The following BMPR1A variants were observed in gnomAD, a reference collection of about 807,000 sequenced individuals.
BMPR1A encodes bone morphogenetic protein receptor type-1A.
Under a neutral mutation model 66.0 loss-of-function variants are expected in BMPR1A, and 7 were observed. The ratio of observed to expected loss-of-function variants is 0.11; its 90% CI spans 0.06 to 0.20. The LOEUF (loss-of-function observed/expected upper bound fraction) is 0.20. Ranked by LOEUF, BMPR1A falls within the 10% of genes least tolerant of loss-of-function variation. BMPR1A has a pLI of 1.00. For missense variants in BMPR1A, 408 were observed against 669.1 expected (o/e 0.61, Z 4.31); for synonymous variants, 200 against 229.7 (o/e 0.87, Z 1.17).
At chr10:86,799,773 A>C (rs1841785391) in intron 1 of BMPR1A, among the ~76,000 whole-genome samples, 1 of 152,104 alleles carries the variant, frequency 6.6e-6, no homozygotes. Flanking sequence ...CCTGGGCTCA[A>C]GCGATCCACC....
intron 1 of BMPR1A, among the ~76,000 whole-genome samples, chr10:86,820,627 C>T (rs1350644517): frequency 6.6e-6 from 1 of 152,174 alleles, no homozygotes; most frequent in Non-Finnish European, 1.5e-5. Context: ...AACAAACCAG[C>T]AAAACCTTCC....
chr10:86,792,208 C>T lies in BMPR1A; in HGVS notation c.-268+35289C>T, dbSNP rs943246680. Among the ~76,000 whole-genome samples, 29 of 151,586 alleles carry T rather than the reference C, an allele frequency of 1.9e-4. 1 individual carries two copies. Among genetic ancestry groups the T allele is most frequent in the Admixed American group, 1.6e-3 (24 of 15,178 alleles). On this transcript the variant is annotated intron_variant, in intron 1 of 12. Transcript: ENST00000372037. ...TCAGCCTCCCGAGTAGCTGGGATTACGGGCACACGCCACCATGCCTAGCTA... is the reference window on the plus strand; with the variant it reads ...TCAGCCTCCCGAGTAGCTGGGATTATGGGCACACGCCACCATGCCTAGCTA...
chr10:86,912,919 A>G lies in BMPR1A; in HGVS notation c.675+535A>G, dbSNP rs141644904. 4.2e-3 allele frequency among the ~76,000 whole-genome samples: 636 copies of G among 152,286 alleles called. 7 individuals are homozygous for G. Among genetic ancestry groups the G allele is most frequent in the African/African-American group, 0.014 (601 of 41,554 alleles). Reference sequence around the variant, plus strand: ...TTAAAGGGAATTACAAATAAATTCCAACAAATTTGGATGGATTCTTGGTAT... The same window carrying G: ...TTAAAGGGAATTACAAATAAATTCCGACAAATTTGGATGGATTCTTGGTAT... On this transcript the variant is annotated intron_variant, in intron 8 of 12. Coordinates refer to ENST00000372037, the MANE Select transcript of BMPR1A (RefSeq NM_004329.3).
intron 2 of BMPR1A, among the ~76,000 whole-genome samples, chr10:86,863,865 A>G (rs910570724): frequency 6.6e-6 from 1 of 152,224 alleles, no homozygotes; most frequent in Non-Finnish European, 1.5e-5. Flanking sequence ...AAATAGTTAC[A>G]TAAGTGGAAA....
chr10:86,764,558 T>C (rs892134083), intron 1 of BMPR1A, among the ~76,000 whole-genome samples: 1 of 152,246 alleles, frequency 6.6e-6, no homozygotes, highest in Non-Finnish European at 1.5e-5. Context: ...TCCCTATTTG[T>C]TAAATATTTT....
chr10:86,911,172 A>T (rs1843477007), intron 7 of BMPR1A, among the ~76,000 whole-genome samples: 1 of 151,616 alleles, frequency 6.6e-6, no homozygotes, highest in South Asian at 2.1e-4. Flanking sequence ...AAAAAAAAAA[A>T]AAAATTAAAC....
chr10:86,793,103 CA>C (rs779478543), intron 1 of BMPR1A, among the ~76,000 whole-genome samples: 7 of 137,490 alleles, frequency 5.1e-5, no homozygotes, highest in East Asian at 2.2e-4. Flanking sequence ...TACCCCCCCC[CA>C]CCCCCCGCCA....
chr10:86,851,457 CTT>C (rs1170524829), intron 2 of BMPR1A, among the ~76,000 whole-genome samples: 4 of 152,156 alleles, frequency 2.6e-5, no homozygotes, highest in Admixed American at 2.0e-4. Context: ...AATCATGTCT[CTT>C]TTATTTACCG....
At chr10:86,902,175 A>G (rs1843321087) in intron 7 of BMPR1A, among the ~76,000 whole-genome samples, 1 of 152,166 alleles carries the variant, frequency 6.6e-6, no homozygotes, top group Non-Finnish European at 1.5e-5. Context: ...TGTGTATAGT[A>G]AAATATTGTT....
chr10:86,802,712 G>T (rs1211993647), intron 1 of BMPR1A, among the ~76,000 whole-genome samples: 1 of 151,610 alleles, frequency 6.6e-6, no homozygotes, highest in Non-Finnish European at 1.5e-5. Flanking sequence ...GAATTTGTAT[G>T]CATTTTAGTA....
At chr10:86,853,597 G>A (rs570496822) in intron 2 of BMPR1A, among the ~76,000 whole-genome samples, 9 of 152,110 alleles carry the variant, frequency 5.9e-5, no homozygotes, top group Non-Finnish European at 1.0e-4. Context: ...TCTATTTTCC[G>A]TAAGTGTTGG....
intron 2 of BMPR1A, among the ~76,000 whole-genome samples, chr10:86,875,037 CT>C (rs1029768793): frequency 6.6e-6 from 1 of 150,828 alleles, no homozygotes; most frequent in African/African-American, 2.4e-5. Flanking sequence ...GCTCCTTTTT[CT>C]TTTTTTTCCT....
rs1170317792 is a variant in BMPR1A, at chr10:86,790,162, CAAAAAAAAAAA to C, written c.-268+33260_-268+33270del. Among the ~76,000 whole-genome samples the C allele has an allele frequency of 7.1e-3, 51 of 7,168 alleles. 1 individual carries two copies. The highest frequency in any genetic ancestry group is 0.015 in the African/African-American group (36 of 2,466). 4.7% of individuals were successfully genotyped at this position (7,168 alleles called of 152,430 possible). On this transcript the variant is annotated intron_variant, in intron 1 of 12. Transcript: ENST00000372037. Reference sequence around the variant, plus strand: ...GGACGACAGAGCGAGACTCTGTCTCCAAAAAAAAAAAAAAAAAAAAAAAAAAATATATATAT... The same window carrying C: ...GGACGACAGAGCGAGACTCTGTCTCCAAAAAAAAAAAAAAAATATATATAT...
At chr10:86,842,852 G>A (rs142554702) in intron 2 of BMPR1A, among the ~76,000 whole-genome samples, 22 of 151,986 alleles carry the variant, frequency 1.4e-4, no homozygotes, top group African/African-American at 4.6e-4. Context: ...CAGATCTTGT[G>A]AGACGTATTC....
intron 1 of BMPR1A, among the ~76,000 whole-genome samples, chr10:86,800,639 C>T (rs369186003): frequency 2.6e-5 from 4 of 152,086 alleles, no homozygotes; most frequent in African/African-American, 9.7e-5. Context: ...GTGATCCACC[C>T]GCCTCGGCCT....
At chr10:86,797,514 A>AACT (rs1256379280) in intron 1 of BMPR1A, among the ~76,000 whole-genome samples, 8 of 151,954 alleles carry the variant, frequency 5.3e-5, no homozygotes, top group African/African-American at 1.7e-4. Context: ...TACAGGCATG[A>AACT]ACTACTGCGC....
chr10:86,835,031 C>T (rs1173231763), intron 1 of BMPR1A, among the ~76,000 whole-genome samples: 3 of 151,602 alleles, frequency 2.0e-5, no homozygotes, highest in Non-Finnish European at 2.9e-5. Context: ...TTGATTCCAC[C>T]GAATTCTAAG....
At position 86,782,379 on chromosome 10, in the gene BMPR1A, C is replaced by G. The variant is rs541296978; in HGVS notation, c.-268+25460C>G. Among the ~76,000 whole-genome samples, 13 of 152,160 alleles carry G rather than the reference C, an allele frequency of 8.5e-5. No homozygotes were observed. The South Asian group carries it at 2.7e-3, about 32-fold the overall frequency. ...TGGGATTTCTGGATCATCTGGTATT[C>G]CATTTTAAATTTTTTGAGGAACGTC... On this transcript the variant is annotated intron_variant, in intron 1 of 12. Transcript: ENST00000372037.
chr10:86,814,626 C>G (rs952079673), intron 1 of BMPR1A, among the ~76,000 whole-genome samples: 1 of 151,920 alleles, frequency 6.6e-6, no homozygotes, highest in Non-Finnish European at 1.5e-5. Flanking sequence ...GTTTTTCATG[C>G]TTTATATAAT....
Sources: gnomAD v4.1 joint callset for allele counts (sites outside exome capture counted in the v4.1 genomes callset) on GRCh38, gnomAD v4.1.1 for gene constraint, MANE v1.5 for transcripts, NCBI Gene and HGNC (gene_info 2026-07-23, HGNC 2026-07-21) for gene names.